The following INSC variants were observed in gnomAD, a reference collection of about 807,000 sequenced individuals.
INSC encodes INSC spindle orientation adaptor protein.
A neutral mutation model predicts 58.6 loss-of-function variants in INSC; 67 were observed. The ratio of observed to expected loss-of-function variants is 1.14; its 90% CI spans 0.94 to 1.40. The LOEUF (loss-of-function observed/expected upper bound fraction) is 1.40, where lower values mean the gene tolerates loss of function less well. Among genes scored for constraint, INSC ranks in the 40% most tolerant of loss-of-function variants. The pLI, the probability that INSC is intolerant of heterozygous loss-of-function variation, is 0.00. For missense variants in INSC, 714 were observed against 692.0 expected, an observed-to-expected ratio of 1.03 and a Z score of -0.36; for synonymous variants, 262 against 276.1, an observed-to-expected ratio of 0.95 and a Z score of 0.51.
chr11:15,199,042 C>T (rs1052677154), intron 6 of INSC, among the ~76,000 whole-genome samples: 2 of 152,188 alleles, frequency 1.3e-5, no homozygotes, highest in South Asian at 4.1e-4. Context: ...TTTAACCCTG[C>T]ACCCCCAACC....
chr11:15,198,092 A>G (rs765624991), intron 6 of INSC, among the ~76,000 whole-genome samples: 1 of 151,934 alleles, frequency 6.6e-6, no homozygotes, highest in Non-Finnish European at 1.5e-5. Context: ...CTCTCCTCTC[A>G]CATATCCTAG....
chr11:15,207,383 C>A (rs1589969836), intron 7 of INSC, among the ~76,000 whole-genome samples: 1 of 152,252 alleles, frequency 6.6e-6, no homozygotes, highest in East Asian at 1.9e-4. Flanking sequence ...AAAATCAATA[C>A]AGAAATTAAA....
intron 1 of INSC, among the ~76,000 whole-genome samples, chr11:15,127,314 A>G (rs1171265978): frequency 6.6e-6 from 1 of 152,226 alleles, no homozygotes; most frequent in Non-Finnish European, 1.5e-5. Context: ...CTCTCCGTGC[A>G]GTCTGCAAAA....
intron 1 of INSC, among the ~76,000 whole-genome samples, chr11:15,121,622 G>C (rs1847876531): frequency 6.6e-6 from 1 of 152,142 alleles, no homozygotes; most frequent in Admixed American, 6.5e-5. Context: ...GAGATACTTT[G>C]AGACTGTGTA....
At chr11:15,212,306 G>A (rs931820039) in intron 7 of INSC, among the ~76,000 whole-genome samples, 2 of 152,084 alleles carry the variant, frequency 1.3e-5, no homozygotes, top group Non-Finnish European at 2.9e-5. Context: ...CACCGTGTTA[G>A]CCAGGCTGAT....
chr11:15,147,134 T>G (rs1463367298), intron 1 of INSC, among the ~76,000 whole-genome samples: 1 of 152,228 alleles, frequency 6.6e-6, no homozygotes, highest in Non-Finnish European at 1.5e-5. Context: ...AGTTTTACCC[T>G]GAGAAGTTGG....
chr11:15,241,787 G>A (rs1852366164), intron 12 of INSC: 1 of 573,704 alleles, frequency 1.7e-6, no homozygotes, highest in African/African-American at 1.9e-5. Flanking sequence ...AACTATTTAA[G>A]TATGTGATAT....
the INSC span, among the ~76,000 whole-genome samples, chr11:15,263,260 A>G: frequency 0.033 from 4,960 of 152,238 alleles, 124 homozygotes; most frequent in Non-Finnish European, 0.053. Context: ...CTGGAGTTCC[A>G]GAAGAGGAGG....
At chr11:15,245,436 C>T (rs1464192492) in intron 12 of INSC, among the ~76,000 whole-genome samples, 1 of 152,156 alleles carries the variant, frequency 6.6e-6, no homozygotes, top group Non-Finnish European at 1.5e-5. Flanking sequence ...TGATTTTATT[C>T]TGCCAGCACC....
intron 12 of INSC, 80 bp downstream of exon 12, chr11:15,240,603 T>C: frequency 8.3e-7 from 1 of 1,211,118 alleles, no homozygotes; most frequent in South Asian, 1.3e-5. Flanking sequence ...GGCTGTGCTG[T>C]GGCTGGCTTC....
At chr11:15,131,821 T>C (rs1358334131) in intron 1 of INSC, among the ~76,000 whole-genome samples, 1 of 152,142 alleles carries the variant, frequency 6.6e-6, no homozygotes, top group East Asian at 1.9e-4. Context: ...CTTTAAGCTA[T>C]TTTAGGTCTT....
intron 7 of INSC, among the ~76,000 whole-genome samples, chr11:15,219,448 C>T (rs1012610000): frequency 6.6e-6 from 1 of 152,160 alleles, no homozygotes; most frequent in Non-Finnish European, 1.5e-5. Context: ...CTGTTCCCAG[C>T]ACAAGGCTTG....
intron 5 of INSC, among the ~76,000 whole-genome samples, chr11:15,181,998 C>A (rs73424599): frequency 0.017 from 2,567 of 152,182 alleles, 74 homozygotes; most frequent in African/African-American, 0.058. Context: ...GGCCTCATTC[C>A]AGTGTGTGGG....
At chr11:15,177,749 G>A (rs1476024999) in intron 4 of INSC, among the ~76,000 whole-genome samples, 2 of 152,280 alleles carry the variant, frequency 1.3e-5, no homozygotes, top group East Asian at 1.9e-4. Context: ...CCTGTGTCCT[G>A]AAGATAAAAC....
At chr11:15,216,718 C>T (rs138206783) in intron 7 of INSC, among the ~76,000 whole-genome samples, 1 of 152,166 alleles carries the variant, frequency 6.6e-6, no homozygotes. Flanking sequence ...AAACTTTGGG[C>T]CCCAGTGCAA....
downstream of INSC, among the ~76,000 whole-genome samples, chr11:15,249,952 G>A (rs995122822): frequency 3.3e-5 from 5 of 152,192 alleles, no homozygotes; most frequent in East Asian, 9.6e-4. Context: ...AGGTTGGAAT[G>A]GGGGGTGGCT....
At chr11:15,138,058 A>T (rs1277124914) in intron 1 of INSC, among the ~76,000 whole-genome samples, 1 of 152,158 alleles carries the variant, frequency 6.6e-6, no homozygotes, top group East Asian at 1.9e-4. Flanking sequence ...ATCTTGGGGA[A>T]CAGGGAGCCC....
chr11:15,177,502 G>A (rs1012752864), intron 4 of INSC, among the ~76,000 whole-genome samples: 5 of 151,996 alleles, frequency 3.3e-5, no homozygotes, highest in Non-Finnish European at 7.4e-5. Context: ...GGTGAAAGCC[G>A]ACACTCACAC....
downstream of INSC, among the ~76,000 whole-genome samples, chr11:15,251,445 A>G (rs1852648573): frequency 6.6e-6 from 1 of 152,338 alleles, no homozygotes; most frequent in Non-Finnish European, 1.5e-5. Flanking sequence ...TGCTTCAAAG[A>G]TCACCAATAA....
Sources: allele counts gnomAD v4.1 joint callset (sites outside exome capture counted in the v4.1 genomes callset), GRCh38; gene constraint gnomAD v4.1.1; transcripts MANE v1.5; gene names NCBI Gene and HGNC (gene_info 2026-07-23, HGNC 2026-07-21).